PCMTD2: variants seen among roughly 807,000 people sequenced by gnomAD.
The protein encoded by PCMTD2 is protein-L-isoaspartate (D-aspartate) O-methyltransferase domain containing 2.
In PCMTD2, 16 loss-of-function variants were observed where a neutral mutation model predicts 33.4. That is an observed-to-expected ratio of 0.48 (90% CI 0.32 to 0.73). The LOEUF is 0.73. Among genes scored for constraint, PCMTD2 ranks in the 30% least tolerant of loss-of-function variants. PCMTD2 has a pLI of 0.03. For synonymous variants in PCMTD2, 161 were observed against 160.8 expected, an observed-to-expected ratio of 1.00 and a Z score of -0.01; for missense variants, 374 against 449.9, an observed-to-expected ratio of 0.83 and a Z score of 1.53.
intron 4 of PCMTD2, among the ~76,000 whole-genome samples, chr20:64,267,237 T>C (rs988442533): frequency 1.3e-5 from 2 of 152,190 alleles, no homozygotes; most frequent in African/African-American, 2.4e-5. Flanking sequence ...AAAAGAAATG[T>C]TTTGATGGCC....
chr20:64,256,283 C>T (rs2145750176), intron 1 of PCMTD2, among the ~76,000 whole-genome samples: 1 of 152,272 alleles, frequency 6.6e-6, no homozygotes, highest in African/African-American at 2.4e-5. Context: ...AATTGCGCCC[C>T]CCCGCCCCGT....
chr20:64,273,223 C>T lies in PCMTD2; in HGVS notation c.709C>T (p.Pro237Ser). Residue 237 changes from proline to serine, a missense_variant and splice_region_variant, in exon 6 of 6, where the codon CCA (proline) becomes TCA (serine). Transcript: ENST00000308824. ...SGKSRLVQLP[P>S]VAVRSLQDLA... The stretch of plus-strand genomic sequence containing the variant: ...TGTCTCACTCTTCTGTGCTGCAGCA[C>T]CAGTGGCAGTTCGCAGCCTCCAGGA... The T allele has an allele frequency of 6.2e-7, 1 of 1,612,234 alleles. No individual in the cohort carries two copies. Among genetic ancestry groups the T allele is most frequent in the Non-Finnish European group, 8.5e-7 (1 of 1,178,932 alleles).
chr20:64,265,505 C>A, intron 4 of PCMTD2, 76 bp downstream of exon 4: 1 of 1,124,820 alleles, frequency 8.9e-7, no homozygotes, highest in Non-Finnish European at 1.3e-6. Flanking sequence ...CGGATACTTA[C>A]TCTTTTAACA....
Position 64,265,390 on chromosome 20 carries a change from C to T in PCMTD2, c.543C>T (p.Leu181=), listed in dbSNP as rs758186509. Residue 181 remains leucine (L), a synonymous_variant, in exon 4 of 6, where the codon CTC becomes CTT. Transcript: ENST00000308824. ...ATGAAGAGTACATGAAGAATCTTCT[C>T]AAAGTGGGAGGGATCCTTGTCATGC... ...KEHEEYMKNL[L]KVGGILVMPL... 2 of 1,613,206 alleles carry T rather than the reference C, an allele frequency of 1.2e-6. No homozygotes were observed. Among genetic ancestry groups the T allele is most frequent in the Non-Finnish European group, 1.7e-6 (2 of 1,179,586 alleles).
intron 5 of PCMTD2, among the ~76,000 whole-genome samples, chr20:64,269,681 A>G (rs1985804533): frequency 6.6e-6 from 1 of 151,354 alleles, no homozygotes; most frequent in African/African-American, 2.4e-5. Flanking sequence ...CCTGCACAAT[A>G]TGGGGTCAAA....
rs1986026364 is a variant in PCMTD2 at position 64,274,204 on chromosome 20, T to A, written c.*604T>A. 1 of 152,170 alleles carries A rather than the reference T, an allele frequency of 6.6e-6. No individual in the cohort carries two copies. 9.4% of individuals were successfully genotyped at this position (152,170 alleles called of 1,614,324 possible). On this transcript the variant is annotated 3_prime_UTR_variant, in exon 6 of 6. Transcript: ENST00000308824. ...TAAGTTGATTAAATCTTATGTGAGT[T>A]GCCAGTTGTAATTTTTCAAAGGAAA... is the stretch of plus-strand genomic sequence containing the variant.
intron 2 of PCMTD2, among the ~76,000 whole-genome samples, chr20:64,261,440 T>C (rs892478088): frequency 6.6e-6 from 1 of 152,176 alleles, no homozygotes; most frequent in Non-Finnish European, 1.5e-5. Flanking sequence ...CTTGGCTTGG[T>C]GGTTCATGCC....
intron 1 of PCMTD2, 122 bp from the exon 2 acceptor site, chr20:64,259,810 AGGTGGGTGTT>A (rs1985324131): frequency 1.8e-6 from 1 of 570,194 alleles, no homozygotes; most frequent in Non-Finnish European, 3.1e-6. Flanking sequence ...GCAGGGGATG[AGGTGGGTGTT>A]GACAAAAGAT....
rs559960598 is a variant in PCMTD2, at chr20:64,273,494, C to T, written c.980C>T (p.Pro327Leu). 1.1e-4 allele frequency: 181 copies of T among 1,609,054 alleles called. No homozygotes were observed. Among genetic ancestry groups the T allele is most frequent in the Non-Finnish European group, 1.5e-4 (172 of 1,178,272 alleles). The change falls in exon 6 of 6, where the codon CCG becomes CTG. Residue 327 changes from proline (P) to leucine (L), a missense_variant. Physicochemically the swap from Pro to Leu is moderately conservative, Grantham distance 98. Transcript: ENST00000308824. ...AGGGAAGAAGAAGAGAAGACCCCGC[C>T]GGAAACAAAGCCAGACCCCCCAGTG... is the stretch of plus-strand genomic sequence containing the variant. ...ERREEEEKTP[P>L]ETKPDPPVNF... is the part of the protein sequence containing the mutation.
intron 5 of PCMTD2, chr20:64,272,094 G>A: frequency 2.4e-6 from 1 of 412,618 alleles, no homozygotes; most frequent in Non-Finnish European, 4.9e-6. Flanking sequence ...TCTTGTCTGT[G>A]GAGTCAGAAA....
chr20:64,257,557 G>A (rs1188044063), intron 1 of PCMTD2, among the ~76,000 whole-genome samples: 5 of 152,164 alleles, frequency 3.3e-5, no homozygotes, highest in African/African-American at 9.7e-5. Flanking sequence ...CTTTGTTGTC[G>A]GTGTTTTTGG....
rs117624901 is a variant in PCMTD2 at position 64,269,779 on chromosome 20, A to G, written c.706+1769A>G. On this transcript the variant is annotated intron_variant, in intron 5 of 5. Coordinates refer to ENST00000308824, the MANE Select transcript of PCMTD2 (RefSeq NM_018257.3). ...GTGTGGACATTTGCAGTGTGGGGTA[A>G]TGTGTGTGTGGGTGTGCGCGGTGTG... Among the ~76,000 whole-genome samples the G allele has an allele frequency of 4.5e-4, 64 of 141,744 alleles. 3 individuals carry two copies. In the East Asian group the frequency reaches 0.014, roughly 30 times the overall value. The allele number at this position is 141,744 out of a possible 152,430, so 93.0% of individuals were successfully genotyped here. A position where few individuals can be genotyped will look rare whatever the true frequency, so the allele number is the denominator to read the frequency against.
chr20:64,261,602 GT>G (rs11474881), intron 2 of PCMTD2, among the ~76,000 whole-genome samples: 68,726 of 150,134 alleles, frequency 0.46, 16,380 homozygotes, highest in African/African-American at 0.56. Context: ...TGATAATTTT[GT>G]TTTTTTTTTC....
chr20:64,266,206 C>T (rs1329333530), intron 4 of PCMTD2, among the ~76,000 whole-genome samples: 2 of 152,106 alleles, frequency 1.3e-5, no homozygotes, highest in Admixed American at 1.3e-4. Flanking sequence ...GTAGCTGGCA[C>T]TATAGGCACG....
intron 4 of PCMTD2, chr20:64,265,713 TC>T: frequency 3.1e-6 from 1 of 322,822 alleles, no homozygotes; most frequent in South Asian, 1.3e-4. Flanking sequence ...ACCTCCCTCT[TC>T]CTTCCCCTTC....
intron 5 of PCMTD2, among the ~76,000 whole-genome samples, chr20:64,269,747 G>T (rs564475210): frequency 6.6e-6 from 1 of 151,224 alleles, no homozygotes; most frequent in Non-Finnish European, 1.5e-5. Context: ...GCGCAATGTG[G>T]GGTCATGTGT....
intron 5 of PCMTD2, among the ~76,000 whole-genome samples, chr20:64,270,370 G>T (rs73327781): frequency 0.033 from 4,989 of 151,200 alleles, 281 homozygotes; most frequent in African/African-American, 0.12. Flanking sequence ...GTTCAGGCAT[G>T]CAGGGTGTGG....
rs372058955 is a variant in PCMTD2, at chr20:64,273,529, C to T, written c.1015C>T (p.Arg339Cys). ...GCCAGACCCCCCAGTGAACTTCCTA[C>T]GCCAGAAGGTCCTGAGCCTCCCTCT... Reference protein sequence around the residue: ...TKPDPPVNFLRQKVLSLPLPD... With the variant: ...TKPDPPVNFLCQKVLSLPLPD... Residue 339 changes from arginine to cysteine, a missense_variant, in exon 6 of 6, where the codon CGC becomes TGC. Transcript: ENST00000308824. 6.0e-5 allele frequency: 94 copies of T among 1,577,250 alleles called. No homozygotes were observed. The highest frequency in any genetic ancestry group is 7.8e-5 in the Non-Finnish European group (91 of 1,166,668).
chr20:64,256,346 T>C (rs1052620608), intron 1 of PCMTD2, among the ~76,000 whole-genome samples: 23 of 152,126 alleles, frequency 1.5e-4, no homozygotes, highest in African/African-American at 5.3e-4. Flanking sequence ...AATTCACGCA[T>C]GGAAAGAGAT....
Sources: gnomAD v4.1 joint callset for allele counts (sites outside exome capture counted in the v4.1 genomes callset) on GRCh38, gnomAD v4.1.1 for gene constraint, MANE v1.5 for transcripts, NCBI Gene and HGNC (gene_info 2026-07-23, HGNC 2026-07-21) for gene names.